The following PGK1 variants were observed in gnomAD, a reference collection of about 807,000 sequenced individuals.
PGK1 encodes PRP 2.
A neutral mutation model predicts 26.9 loss-of-function variants in PGK1; 3 were observed. The ratio of observed to expected loss-of-function variants is 0.11; its 90% CI spans 0.05 to 0.29. The LOEUF is 0.29. PGK1 is among the 10% of genes least tolerant of loss of function. The pLI is 1.00. For missense variants in PGK1, 270 were observed against 314.7 expected (o/e 0.86, Z 1.07); for synonymous variants, 125 against 115.3 (o/e 1.08, Z -0.54).
chrX:78,117,909 T>A, intron 5 of PGK1, 142 bp from the exon 6 acceptor site: 1 of 597,011 alleles, frequency 1.7e-6, no homozygotes, highest in Admixed American at 2.5e-5. Flanking sequence ...TACCTAAGTG[T>A]TTTTTGTTGC....
intron 8 of PGK1, among the ~76,000 whole-genome samples, chrX:78,123,724 TAACCCTCCCC>T (rs2078368507): frequency 9.2e-6 from 1 of 108,231 alleles, no homozygotes; most frequent in Non-Finnish European, 1.9e-5. Context: ...TTCTCCTGCC[TAACCCTCCCC>T]AGTAGCTGGG....
intron 1 of PGK1, among the ~76,000 whole-genome samples, chrX:78,107,577 C>T (rs1238783352): frequency 8.9e-6 from 1 of 112,090 alleles, no homozygotes; most frequent in African/African-American, 3.2e-5. Flanking sequence ...AAGTTCATAC[C>T]TGTGTATTGC....
In PGK1 at chrX:78,113,142, A is replaced by G. The variant is rs782519837; in HGVS notation, c.117-602A>G. ...TGGTAAAACCCCTACAAAAAATACA[A>G]AAATTAGCTGGGCATGGTGGTGCAT... On this transcript the variant is annotated intron_variant, in intron 2 of 10. Transcript: ENST00000373316. Among the ~76,000 whole-genome samples the G allele has an allele frequency of 3.6e-5, 4 of 111,040 alleles. No individual in the cohort carries two copies. The East Asian group carries it at 8.5e-4, about 24-fold the overall frequency.
chrX:78,125,549 A>G (rs1557248588), intron 10 of PGK1, 124 bp downstream of exon 10: 1 of 545,453 alleles, frequency 1.8e-6, no homozygotes, highest in African/African-American at 2.3e-5. Context: ...CTACCTGGGC[A>G]GTACAGAGGA....
In PGK1 at chrX:78,123,613, T is replaced by G. The variant is rs12688134; in HGVS notation, c.936+239T>G. ...GTTGCAAAACTTTGTTGTTGTTGTT[T>G]TTTTTTTTTTTTTTGAGACAGAGTC... On this transcript the variant is annotated intron_variant, in intron 8 of 10. Coordinates refer to ENST00000373316, the MANE Select transcript of PGK1 (RefSeq NM_000291.4). Among the ~76,000 whole-genome samples the G allele has an allele frequency of 0.24, 23,522 of 99,589 alleles. 2,671 individuals carry two copies. The highest frequency in any genetic ancestry group is 0.33 in the East Asian group (1,007 of 3,040). 86.5% of individuals were successfully genotyped at this position (99,589 alleles called of 115,157 possible). A position where few individuals can be genotyped will look rare whatever the true frequency, so the allele number is the denominator to read the frequency against.
Position 78,113,816 on chromosome X carries a change from C to T in PGK1, c.189C>T (p.His63=). The T allele has an allele frequency of 8.3e-7, 1 of 1,208,713 alleles. No individual in the cohort carries two copies. The highest frequency in any genetic ancestry group is 1.8e-5 in the South Asian group (1 of 56,884). Residue 63 remains histidine (H), a synonymous_variant, in exon 3 of 11, where the codon CAC becomes CAT. Coordinates refer to ENST00000373316, the MANE Select transcript of PGK1 (RefSeq NM_000291.4). The part of the protein sequence containing the change: ...NGAKSVVLMS[H]LGRPDGVPMP... ...CCAAGTCGGTAGTCCTTATGAGCCA[C>T]CTAGGCCGGCCTGATGGTGTGCCCA...
rs966018614 is a variant in PGK1 at position 78,126,458 on chromosome X, T to C, written c.*628T>C. On this transcript the variant is annotated 3_prime_UTR_variant, in exon 11 of 11. Transcript: ENST00000373316. ...ATGGCAGACATTGTGCTAGTGCTTTTATTCTAACTTTTATTTTTATCAGTT... is the reference window on the plus strand; with the variant it reads ...ATGGCAGACATTGTGCTAGTGCTTTCATTCTAACTTTTATTTTTATCAGTT... 2.6e-4 allele frequency: 29 copies of C among 111,918 alleles called. No homozygotes were observed. Among genetic ancestry groups the C allele is most frequent in the African/African-American group, 8.2e-4 (25 of 30,600 alleles). The allele number at this position is 111,918 out of a possible 1,213,427, so 9.2% of individuals were successfully genotyped here. A position where few individuals can be genotyped will look rare whatever the true frequency, so the allele number is the denominator to read the frequency against.
chrX:78,113,717 C>A, intron 2 of PGK1, 27 bp from the exon 3 acceptor site: 2 of 1,198,667 alleles, frequency 1.7e-6, no homozygotes, highest in East Asian at 5.9e-5. Context: ...TAACTTCATT[C>A]TGTTTGTTGT....
At position 78,127,509 on chromosome X, in the gene PGK1, T is replaced by G. The variant is rs1223410550; in HGVS notation, c.*1679T>G. ...TATTTCACCTTTAGGGACAAAGAAA[T>G]AAACTTTTGGACAGGACCACAGAGC... On this transcript the variant is annotated 3_prime_UTR_variant, in exon 11 of 11. Transcript: ENST00000373316. 2 of 111,797 alleles carry G rather than the reference T, an allele frequency of 1.8e-5. No individual in the cohort carries two copies. The highest frequency in any genetic ancestry group is 6.5e-5 in the African/African-American group (2 of 30,744). The allele number at this position is 111,797 out of a possible 1,213,427, so 9.2% of individuals were successfully genotyped here.
intron 4 of PGK1, among the ~76,000 whole-genome samples, chrX:78,117,040 T>C (rs929458227): frequency 9.0e-6 from 1 of 111,627 alleles, no homozygotes; most frequent in Non-Finnish European, 1.9e-5. Flanking sequence ...TAGTGGGGTG[T>C]GGTTAACTTC....
At chrX:78,110,783 T>C (rs782466168) in intron 2 of PGK1, among the ~76,000 whole-genome samples, 1 of 110,364 alleles carries the variant, frequency 9.1e-6, no homozygotes, top group South Asian at 3.9e-4. Context: ...TTTCATTTGT[T>C]TTTGCTTCCA....
chrX:78,106,756 G>A, intron 1 of PGK1: 2 of 279,107 alleles, frequency 7.2e-6, no homozygotes, highest in Non-Finnish European at 9.8e-6. Context: ...TGACTTTACA[G>A]CCTCTTTGAA....
intron 1 of PGK1, among the ~76,000 whole-genome samples, chrX:78,105,107 C>T (rs781922504): frequency 8.9e-6 from 1 of 112,297 alleles, no homozygotes; most frequent in East Asian, 2.8e-4. Context: ...ACTTGCTGGC[C>T]TCCAATCTCA....
intron 2 of PGK1, among the ~76,000 whole-genome samples, chrX:78,110,302 A>G (rs1200195939): frequency 9.2e-6 from 1 of 108,957 alleles, no homozygotes; most frequent in African/African-American, 3.3e-5. Flanking sequence ...ACAGGTGCAC[A>G]CCACTACACC....
intron 6 of PGK1, among the ~76,000 whole-genome samples, chrX:78,119,822 TATA>T (rs1358133854): frequency 1.8e-5 from 2 of 112,311 alleles, no homozygotes; most frequent in African/African-American, 6.5e-5. Flanking sequence ...AACCTTTCTT[TATA>T]AATTACCAAG....
At chrX:78,123,903 G>A (rs2078369822) in intron 8 of PGK1, among the ~76,000 whole-genome samples, 2 of 111,392 alleles carry the variant, frequency 1.8e-5, no homozygotes, top group African/African-American at 3.3e-5. Context: ...CACTGTGCCC[G>A]GCCCATTTTT....
rs1427120411 is a variant in PGK1 at position 78,127,457 on chromosome X, C to T, written c.*1627C>T. The T allele has an allele frequency of 2.7e-5, 3 of 111,753 alleles. No individual in the cohort carries two copies. Among genetic ancestry groups the T allele is most frequent in the Non-Finnish European group, 5.6e-5 (3 of 53,192 alleles). 9.2% of individuals were successfully genotyped at this position (111,753 alleles called of 1,213,427 possible). ...CATGATTTGAAAAAGCCATGTCTGA[C>T]CAGAAATTCTGTGCTGGAAAGATAT... On this transcript the variant is annotated 3_prime_UTR_variant, in exon 11 of 11. Coordinates refer to ENST00000373316, the MANE Select transcript of PGK1 (RefSeq NM_000291.4).
chrX:78,116,787 T>A (rs1325276521), intron 4 of PGK1, among the ~76,000 whole-genome samples: 1 of 112,374 alleles, frequency 8.9e-6, no homozygotes, highest in African/African-American at 3.2e-5. Context: ...TTTTTGTCAA[T>A]GTGAAGTGTT....
chrX:78,124,064 TTAAG>T (rs2078370749), intron 8 of PGK1, among the ~76,000 whole-genome samples: 2 of 111,632 alleles, frequency 1.8e-5, no homozygotes, highest in Admixed American at 9.5e-5. Flanking sequence ...TATGAAAAAA[TTAAG>T]TATACTGATT....
Sources: allele counts gnomAD v4.1 joint callset (sites outside exome capture counted in the v4.1 genomes callset), GRCh38; gene constraint gnomAD v4.1.1; transcripts MANE v1.5; gene names NCBI Gene and HGNC (gene_info 2026-07-23, HGNC 2026-07-21).